ARHGAP1: variants seen among roughly 807,000 people sequenced by gnomAD.
ARHGAP1 encodes the protein rho GTPase-activating protein 1.
ARHGAP1 carries 23 observed loss-of-function variants against 52.2 expected under a neutral mutation model. That is an observed-to-expected ratio of 0.44 (90% CI 0.32 to 0.62). The LOEUF is 0.62. ARHGAP1 is among the 20% of genes least tolerant of loss of function. ARHGAP1 has a pLI of 0.05. For synonymous variants in ARHGAP1, 210 were observed against 228.4 expected (o/e 0.92, Z 0.73); for missense variants, 480 against 560.9 (o/e 0.86, Z 1.46).
At position 46,678,708 on chromosome 11, in the gene ARHGAP1, C is replaced by T. The variant is rs1381927882; in HGVS notation, c.*329G>A. 5 of 310,734 alleles carry T rather than the reference C, an allele frequency of 1.6e-5. No homozygotes were observed. The highest frequency in any genetic ancestry group is 4.0e-5 in the South Asian group (1 of 25,130). The allele number at this position is 310,734 out of a possible 1,614,324, so 19.2% of individuals were successfully genotyped here. A position where few individuals can be genotyped will look rare whatever the true frequency, so the allele number is the denominator to read the frequency against. On this transcript the variant is annotated 3_prime_UTR_variant, in exon 13 of 13. Transcript: ENST00000311956. ...CCGGCAGTCATTTGATTCATCCACA[C>T]TTGCTAGGGAAACAGAGGCAGGAAA...
At chr11:46,693,287 G>A (rs1205903741) in intron 3 of ARHGAP1, among the ~76,000 whole-genome samples, 2 of 151,036 alleles carry the variant, frequency 1.3e-5, no homozygotes, top group African/African-American at 2.4e-5. Flanking sequence ...GTGAGCCACC[G>A]CACCTGGCTG....
intron 3 of ARHGAP1, among the ~76,000 whole-genome samples, chr11:46,689,775 A>C (rs1007334076): frequency 4.6e-5 from 7 of 152,158 alleles, no homozygotes; most frequent in African/African-American, 1.7e-4. Flanking sequence ...TCCTGACGTC[A>C]CGATCCACCT....
rs1380890940 is a variant in ARHGAP1 at position 46,678,287 on chromosome 11, C to T, written c.*750G>A. On this transcript the variant is annotated 3_prime_UTR_variant, in exon 13 of 13. Transcript: ENST00000311956. The stretch of plus-strand genomic sequence containing the variant: ...CATCACACGCTGTAGCTCTCGGGGG[C>T]GGGGAGGTGGAGAGGGAGGTTTCAA... 2.4e-5 allele frequency: 4 copies of T among 169,244 alleles called. No homozygotes were observed. Among genetic ancestry groups the T allele is most frequent in the Admixed American group, 6.0e-5 (1 of 16,784 alleles). 10.5% of individuals were successfully genotyped at this position (169,244 alleles called of 1,614,324 possible).
At chr11:46,685,490 G>A (rs1019023074) in intron 4 of ARHGAP1, among the ~76,000 whole-genome samples, 4 of 151,600 alleles carry the variant, frequency 2.6e-5, no homozygotes, top group Non-Finnish European at 4.4e-5. Context: ...ACTACACATG[G>A]CTAATTTTGT....
intron 3 of ARHGAP1, among the ~76,000 whole-genome samples, chr11:46,690,850 GTTCT>G (rs965993124): frequency 2.0e-5 from 3 of 151,724 alleles, no homozygotes; most frequent in African/African-American, 7.3e-5. Flanking sequence ...GTCTTTGTTT[GTTCT>G]TTTTCTTTGT....
rs547021926 is a variant in ARHGAP1, at chr11:46,679,974, C to T, written c.899-198G>A. The T allele has an allele frequency of 3.0e-5, 31 of 1,042,224 alleles. No individual in the cohort carries two copies. Among genetic ancestry groups the T allele is most frequent in the Admixed American group, 1.3e-4 (5 of 38,536 alleles). 64.6% of individuals were successfully genotyped at this position (1,042,224 alleles called of 1,614,324 possible). ...TCCGGCCATCTGGGGAAGTGGGGCC[C>T]GGCACACCCCACCGTTATTCCTTGC... On this transcript the variant is annotated intron_variant, in intron 10 of 12. Coordinates refer to ENST00000311956, the MANE Select transcript of ARHGAP1 (RefSeq NM_004308.5). This position sits in a 1 kb window ranked among gnomAD's most constrained non-coding sequence, Gnocchi z 4.4.
chr11:46,686,832 A>C (rs2064572775), intron 4 of ARHGAP1: 1 of 152,158 alleles, frequency 6.6e-6, no homozygotes, highest in South Asian at 2.1e-4. Flanking sequence ...CTGGGTGGAC[A>C]GCTGGGAAGA....
intron 1 of ARHGAP1, among the ~76,000 whole-genome samples, chr11:46,698,071 C>T (rs2064670665): frequency 6.6e-6 from 1 of 152,214 alleles, no homozygotes; most frequent in African/African-American, 2.4e-5. Context: ...GCCCCACCTA[C>T]AGCTATCCCA....
chr11:46,679,311 G>A lies in ARHGAP1; in HGVS notation c.1131+54C>T, dbSNP rs984837279. 2.9e-5 allele frequency: 47 copies of A among 1,605,570 alleles called. No homozygotes were observed. In the African/African-American group the frequency reaches 3.6e-4, roughly 12 times the overall value. ...ACAATGACCAGGGCGCAGAGGAGGC[G>A]GCAGCTCCTCCTTCCCCCTCCCTTC... On this transcript the variant is annotated intron_variant, in intron 12 of 12. Coordinates refer to ENST00000311956, the MANE Select transcript of ARHGAP1 (RefSeq NM_004308.5). The surrounding 1 kb of genome is among the most constrained non-coding windows in gnomAD (Gnocchi z 4.4).
At chr11:46,695,034 C>T (rs2064641992) in intron 3 of ARHGAP1, 1 of 176,936 alleles carries the variant, frequency 5.7e-6, no homozygotes, top group South Asian at 1.2e-4. Context: ...AAAGTGGGGC[C>T]CTAAGGGCAG....
chr11:46,698,258 T>C (rs1393315169), intron 1 of ARHGAP1, among the ~76,000 whole-genome samples: 3 of 152,282 alleles, frequency 2.0e-5, no homozygotes, highest in Middle Eastern at 3.4e-3. Flanking sequence ...AGAAATATAA[T>C]TCTCCAGTGT....
Position 46,688,295 on chromosome 11 carries a change from A to T in ARHGAP1, c.230-35T>A, listed in dbSNP as rs1290599524. Reference sequence around the variant, plus strand: ...GAGAAAGATGGAGCACAGTGGGTTGAAGGGGAACCAAAAGAAGTGGGGTGA... The same window carrying T: ...GAGAAAGATGGAGCACAGTGGGTTGTAGGGGAACCAAAAGAAGTGGGGTGA... On this transcript the variant is annotated intron_variant, in intron 3 of 12. Transcript: ENST00000311956. The T allele has an allele frequency of 1.9e-6, 3 of 1,587,204 alleles. No homozygotes were observed. The African/African-American group carries it at 4.0e-5, about 21-fold the overall frequency.
In ARHGAP1 at chr11:46,692,210, G is replaced by C. The variant is rs2064619936; in HGVS notation, c.229+3450C>G. Among the ~76,000 whole-genome samples the C allele has an allele frequency of 2.0e-5, 3 of 152,190 alleles. No individual in the cohort carries two copies. In the South Asian group the frequency reaches 6.2e-4, roughly 32 times the overall value. On this transcript the variant is annotated intron_variant, in intron 3 of 12. Coordinates refer to ENST00000311956, the MANE Select transcript of ARHGAP1 (RefSeq NM_004308.5). Reference sequence around the variant, plus strand: ...GGAAAAGCAGACTGGCAGGGGCCAGGGACAAAGGGTTAGACTGGCAAGCCC... The same window carrying C: ...GGAAAAGCAGACTGGCAGGGGCCAGCGACAAAGGGTTAGACTGGCAAGCCC...
intron 3 of ARHGAP1, among the ~76,000 whole-genome samples, chr11:46,689,482 A>G (rs1486934958): frequency 2.0e-5 from 3 of 152,192 alleles, no homozygotes; most frequent in Non-Finnish European, 4.4e-5. Context: ...ATATTATACC[A>G]CTGAATTGTA....
intron 3 of ARHGAP1, 115 bp downstream of exon 3, chr11:46,695,545 G>T: frequency 1.8e-6 from 2 of 1,140,720 alleles, no homozygotes; most frequent in Non-Finnish European, 2.6e-6. Flanking sequence ...CACATGCCAG[G>T]AGCACCAGGG....
Position 46,680,146 on chromosome 11 carries a change from C to T in ARHGAP1, c.898+59G>A. The T allele has an allele frequency of 1.9e-6, 3 of 1,541,626 alleles. No homozygotes were observed. In the South Asian group the frequency reaches 3.3e-5, roughly 17 times the overall value. ...CTCTCATTTACAGGGCAGCAGAGGG[C>T]AGAGAAGCCCCCTACCAGTAACACA... On this transcript the variant is annotated intron_variant, in intron 10 of 12. Transcript: ENST00000311956. This position sits in a 1 kb window ranked among gnomAD's most constrained non-coding sequence, Gnocchi z 5.9.
intron 1 of ARHGAP1, among the ~76,000 whole-genome samples, chr11:46,700,306 C>G (rs2064692144): frequency 6.6e-6 from 1 of 151,866 alleles, no homozygotes; most frequent in African/African-American, 2.4e-5. Flanking sequence ...GCGATCCGGC[C>G]TGGACTCTGC....
chr11:46,695,857 C>A (rs1351845294), intron 2 of ARHGAP1, 102 bp from the exon 3 acceptor site: 1 of 1,595,474 alleles, frequency 6.3e-7, no homozygotes, highest in Non-Finnish European at 8.6e-7. Flanking sequence ...GCCCATGCTC[C>A]CAGCCCAAAC....
rs915458788 is a variant in ARHGAP1, at chr11:46,693,755, G to A, written c.229+1905C>T. Reference sequence around the variant, plus strand: ...ACCTGGGAGGTAGGGCTGGGCTGATGGAGCCAGTCATGTGCTACAGCCAGC... The same window carrying A: ...ACCTGGGAGGTAGGGCTGGGCTGATAGAGCCAGTCATGTGCTACAGCCAGC... On this transcript the variant is annotated intron_variant, in intron 3 of 12. Transcript: ENST00000311956. Among the ~76,000 whole-genome samples, 4 of 152,084 alleles carry A rather than the reference G, an allele frequency of 2.6e-5. No individual in the cohort carries two copies. The East Asian group carries it at 7.7e-4, about 29-fold the overall frequency.
Sources: gnomAD v4.1 joint callset for allele counts (sites outside exome capture counted in the v4.1 genomes callset) on GRCh38, gnomAD v4.1.1 for gene constraint, Gnocchi (gnomAD v3.1) non-coding constraint, MANE v1.5 for transcripts, NCBI Gene and HGNC (gene_info 2026-07-23, HGNC 2026-07-21) for gene names.